The following STK39 variants were observed in gnomAD, a reference collection of about 807,000 sequenced individuals.
STK39 encodes serine/threonine kinase 39, also known as STE20/SPS1-related proline-alanine-rich protein kinase.
In STK39, 20 loss-of-function variants were observed where a neutral mutation model predicts 77.8. That is an observed-to-expected ratio of 0.26 (90% confidence interval 0.18 to 0.37). The LOEUF is 0.37. Ranked by LOEUF, STK39 falls within the 10% of genes least tolerant of loss-of-function variation. STK39 has a pLI of 1.00. For synonymous variants in STK39, 246 were observed against 234.1 expected (o/e 1.05, Z -0.47); for missense variants, 479 against 656.5 (o/e 0.73, Z 2.95).
intron 10 of STK39, among the ~76,000 whole-genome samples, chr2:168,080,900 G>A (rs1686212378): frequency 6.6e-6 from 1 of 152,234 alleles, no homozygotes; most frequent in Non-Finnish European, 1.5e-5. Flanking sequence ...AAACCCCAAG[G>A]CTTGGCAGCT....
At chr2:168,140,513 G>T in intron 6 of STK39, 123 bp from the exon 7 acceptor site, 3 of 1,150,992 alleles carry the variant, frequency 2.6e-6, no homozygotes, top group Non-Finnish European at 3.8e-6. Flanking sequence ...TTGCTAATTA[G>T]CTAGCAATTG....
At chr2:167,997,469 A>G (rs1259723526) in intron 16 of STK39, among the ~76,000 whole-genome samples, 1 of 152,190 alleles carries the variant, frequency 6.6e-6, no homozygotes, top group East Asian at 1.9e-4. Flanking sequence ...CATGTAATCC[A>G]GTAATTCTCA....
At chr2:168,092,760 T>C (rs917916200) in intron 10 of STK39, among the ~76,000 whole-genome samples, 4 of 151,646 alleles carry the variant, frequency 2.6e-5, no homozygotes, top group Non-Finnish European at 5.9e-5. Context: ...AGTACCATCA[T>C]TTTTTTTTCT....
chr2:168,247,482 T>A lies in STK39; in HGVS notation c.-47A>T. The A allele has an allele frequency of 7.9e-7, 1 of 1,269,894 alleles. No homozygotes were observed. Among genetic ancestry groups the A allele is most frequent in the Non-Finnish European group, 1.0e-6 (1 of 992,724 alleles). The allele number at this position is 1,269,894 out of a possible 1,614,324, so 78.7% of individuals were successfully genotyped here. A position where few individuals can be genotyped will look rare whatever the true frequency, so the allele number is the denominator to read the frequency against. ...AGGACGCGCCGGCCGACGGACGACC[T>A]TCCACTTGAAACTTCCTTTGCCTCG... On this transcript the variant is annotated 5_prime_UTR_variant, in exon 1 of 18. In the 5' UTR this introduces an upstream ATG that the reference lacks. Transcript: ENST00000355999.
At chr2:168,206,169 C>T (rs897661527) in intron 1 of STK39, among the ~76,000 whole-genome samples, 1 of 152,216 alleles carries the variant, frequency 6.6e-6, no homozygotes, top group Non-Finnish European at 1.5e-5. Context: ...TCCACATAGG[C>T]CCACAGCTGG....
intron 5 of STK39, among the ~76,000 whole-genome samples, chr2:168,150,561 A>G (rs539418610): frequency 1.3e-5 from 2 of 152,240 alleles, no homozygotes; most frequent in African/African-American, 4.8e-5. Flanking sequence ...GCTATAGGTA[A>G]ACATGATTCT....
intron 16 of STK39, among the ~76,000 whole-genome samples, chr2:167,965,982 A>G (rs949628381): frequency 2.6e-5 from 4 of 152,236 alleles, no homozygotes; most frequent in African/African-American, 9.6e-5. Context: ...TGTACTCAAT[A>G]TGGCCTATTT....
chr2:167,978,400 C>A (rs1323442055), intron 16 of STK39, among the ~76,000 whole-genome samples: 1 of 152,108 alleles, frequency 6.6e-6, no homozygotes, highest in East Asian at 1.9e-4. Context: ...GCAAGGACAG[C>A]TTAAAGGTTA....
chr2:168,175,562 T>C (rs1443406372), intron 2 of STK39, among the ~76,000 whole-genome samples: 1 of 152,202 alleles, frequency 6.6e-6, no homozygotes, highest in Non-Finnish European at 1.5e-5. Flanking sequence ...GTTCCAAAAA[T>C]AAAAGTTGTT....
intron 16 of STK39, among the ~76,000 whole-genome samples, chr2:167,981,675 T>C (rs1683422352): frequency 6.6e-6 from 1 of 152,352 alleles, no homozygotes; most frequent in African/African-American, 2.4e-5. Flanking sequence ...TATTAATTGC[T>C]GCAAGAAAAC....
chr2:168,144,544 G>A (rs182111138), intron 5 of STK39, among the ~76,000 whole-genome samples: 154 of 152,022 alleles, frequency 1.0e-3, no homozygotes, highest in African/African-American at 3.3e-3. Context: ...GAGCTCAAGC[G>A]ATCCTCCTGT....
chr2:168,023,000 G>A (rs1033394500), intron 14 of STK39, among the ~76,000 whole-genome samples: 17 of 152,128 alleles, frequency 1.1e-4, no homozygotes, highest in African/African-American at 3.1e-4. Flanking sequence ...CTGCAGCCTC[G>A]AACTCTCGGG....
In STK39 at chr2:168,247,250, C is replaced by A; in HGVS notation, c.186G>T (p.Ala62=). 2 of 1,141,308 alleles carry A rather than the reference C, an allele frequency of 1.8e-6. No homozygotes were observed. The highest frequency in any genetic ancestry group is 1.1e-6 in the Non-Finnish European group (1 of 930,898). The allele number at this position is 1,141,308 out of a possible 1,614,324, so 70.7% of individuals were successfully genotyped here. A position where few individuals can be genotyped will look rare whatever the true frequency, so the allele number is the denominator to read the frequency against. The change falls in exon 1 of 18, where the codon GCG becomes GCT. Residue 62 remains alanine (A), a synonymous_variant. Coordinates refer to ENST00000355999, the MANE Select transcript of STK39 (RefSeq NM_013233.3). ...QAVGWPICRD[A]YELQEVIGSG... ...GACCGATAACCTCCTGCAGCTCGTA[C>A]GCGTCCCTGCAGATGGGCCAGCCGA...
intron 10 of STK39, among the ~76,000 whole-genome samples, chr2:168,088,401 G>C (rs937494258): frequency 6.6e-6 from 1 of 152,118 alleles, no homozygotes. Context: ...CAAGGACCAA[G>C]TCAAGTCTAT....
intron 14 of STK39, among the ~76,000 whole-genome samples, chr2:168,052,843 A>G (rs566607581): frequency 6.6e-6 from 1 of 152,354 alleles, no homozygotes; most frequent in Non-Finnish European, 1.5e-5. Flanking sequence ...TTACATTAAG[A>G]AATCATTCAG....
intron 3 of STK39, 32 bp from the exon 4 acceptor site, chr2:168,163,912 A>C: frequency 6.2e-7 from 1 of 1,605,464 alleles, no homozygotes; most frequent in Non-Finnish European, 8.5e-7. Context: ...TTAAAACATA[A>C]GCACCTTCAT....
At chr2:168,246,688 G>C (rs1293286655) in intron 1 of STK39, among the ~76,000 whole-genome samples, 2 of 152,176 alleles carry the variant, frequency 1.3e-5, no homozygotes, top group East Asian at 3.9e-4. Flanking sequence ...CCTCAGAAAA[G>C]CACTGGGGCC....
At position 168,167,332 on chromosome 2, in the gene STK39, C is replaced by G; in HGVS notation, c.397G>C (p.Glu133Gln). ...TYYTSFVVKD[E>Q]LWLVMKLLSG... ...AGTAATTTCATGACCAGCCAAAGTT[C>G]ATCTTTGACCACAAAAGAGGTGTAA... Residue 133 changes from glutamate (E) to glutamine (Q), a missense_variant, in exon 3 of 18, where the codon GAA (glutamate) becomes CAA (glutamine). Physicochemically the swap from Glu to Gln is conservative, Grantham distance 29. Transcript: ENST00000355999. 1.2e-6 allele frequency: 2 copies of G among 1,613,732 alleles called. No individual in the cohort carries two copies. The highest frequency in any genetic ancestry group is 1.7e-5 in the Admixed American group (1 of 60,010).
At chr2:168,093,410 G>C (rs957312828) in intron 10 of STK39, among the ~76,000 whole-genome samples, 4 of 152,202 alleles carry the variant, frequency 2.6e-5, no homozygotes. Flanking sequence ...GCAGGCACAT[G>C]AGCATGTGCA....
Sources: gnomAD v4.1 joint callset for allele counts (sites outside exome capture counted in the v4.1 genomes callset) on GRCh38, gnomAD v4.1.1 for gene constraint, MANE v1.5 for transcripts, NCBI Gene and HGNC (gene_info 2026-07-23, HGNC 2026-07-21) for gene names.